GSE1: variants seen among roughly 807,000 people sequenced by gnomAD.
GSE1 encodes the protein genetic suppressor element 1.
Under a neutral mutation model 112.6 loss-of-function variants are expected in GSE1, and 32 were observed. That is an observed-to-expected ratio of 0.28 (90% CI 0.21 to 0.38). The LOEUF is 0.38. Among genes scored for constraint, GSE1 ranks in the 10% least tolerant of loss-of-function variants. The pLI is 1.00. For missense variants in GSE1, 2,348 were observed against 1,699.2 expected (o/e 1.38, Z -6.71); for synonymous variants, 1,115 against 735.6 (o/e 1.52, Z -8.35).
intron 2 of GSE1, among the ~76,000 whole-genome samples, chr16:85,386,631 T>C (rs950910633): frequency 2.0e-5 from 3 of 152,220 alleles, no homozygotes; most frequent in African/African-American, 7.2e-5. Context: ...CTAAACCCTC[T>C]CTGGGCCTCC....
At chr16:85,637,184 C>T (rs536749932) in intron 2 of GSE1, among the ~76,000 whole-genome samples, 2 of 152,324 alleles carry the variant, frequency 1.3e-5, no homozygotes, top group South Asian at 2.1e-4. Context: ...CCCACGCCCT[C>T]CCCCAGCCCC....
At chr16:85,377,965 G>A (rs1436271099) in intron 2 of GSE1, among the ~76,000 whole-genome samples, 1 of 152,254 alleles carries the variant, frequency 6.6e-6, no homozygotes, top group Non-Finnish European at 1.5e-5. Flanking sequence ...TCTGCAGACA[G>A]CCCTGTCTCC....
intron 1 of GSE1, among the ~76,000 whole-genome samples, chr16:85,197,014 C>G (rs998702817): frequency 6.6e-6 from 1 of 152,174 alleles, no homozygotes; most frequent in Admixed American, 6.5e-5. Context: ...ATTTGGTGAT[C>G]TCAGGCCAGC....
intron 1 of GSE1, among the ~76,000 whole-genome samples, chr16:85,218,442 A>T (rs1461022504): frequency 6.6e-6 from 1 of 152,188 alleles, no homozygotes; most frequent in African/African-American, 2.4e-5. Flanking sequence ...CATTGAGTGC[A>T]TGTTTATGGA....
chr16:85,572,472 TCACACAC>T (rs1246834985), intron 1 of GSE1, among the ~76,000 whole-genome samples: 1 of 80,948 alleles, frequency 1.2e-5, no homozygotes, highest in African/African-American at 4.5e-5. Context: ...ACAACACACA[TCACACAC>T]ACCACATGCA....
In GSE1 at chr16:85,412,716, T is replaced by C. The variant is rs71389129; in HGVS notation, c.2464+55073T>C. ...CTCAGGGCACCTGGATAATCCTCAC[T>C]GTTACTCTCAGGCCCCCCGGATAAT... On this transcript the variant is annotated intron_variant, in intron 2 of 2. Coordinates refer to the GSE1 transcript ENST00000637419. Among the ~76,000 whole-genome samples the C allele has an allele frequency of 2.7e-5, 4 of 146,340 alleles. 1 individual carries two copies. The highest frequency in any genetic ancestry group is 1.3e-4 in the Admixed American group (2 of 14,826).
At chr16:85,195,931 G>A (rs1018821281) in intron 1 of GSE1, among the ~76,000 whole-genome samples, 4 of 152,112 alleles carry the variant, frequency 2.6e-5, no homozygotes, top group African/African-American at 7.2e-5. Context: ...GATATGTCTC[G>A]GAAGTCAGGA....
At chr16:85,177,267 G>A (rs1203305128) in intron 1 of GSE1, among the ~76,000 whole-genome samples, 2 of 152,236 alleles carry the variant, frequency 1.3e-5, no homozygotes, top group Non-Finnish European at 1.5e-5. Flanking sequence ...ACCCTTGTGA[G>A]GTTAACTCTG....
intron 15 of GSE1, among the ~76,000 whole-genome samples, chr16:85,671,518 G>T (rs561926465): frequency 7.2e-5 from 11 of 151,760 alleles, no homozygotes; most frequent in African/African-American, 2.7e-4. Flanking sequence ...TTGGGAGGCT[G>T]AGGCAGGATC....
intron 1 of GSE1, among the ~76,000 whole-genome samples, chr16:85,577,199 C>T (rs1388770444): frequency 6.6e-6 from 1 of 152,188 alleles, no homozygotes; most frequent in Non-Finnish European, 1.5e-5. Flanking sequence ...AGGTCTTCTC[C>T]TCTGCGGTTC....
At position 85,661,599 on chromosome 16, in the gene GSE1, C is replaced by T. The variant is rs1282058428; in HGVS notation, c.2094C>T (p.Thr698=). ...QQRASLPQAA[T]FGELSGPLKP... is the part of the protein sequence containing the mutation. ...GGGCCTCCCTCCCACAGGCGGCCACCTTCGGGGAGCTCAGCGGACCCCTGA... is the reference window on the plus strand; with the variant it reads ...GGGCCTCCCTCCCACAGGCGGCCACTTTCGGGGAGCTCAGCGGACCCCTGA... Residue 698 remains threonine, a synonymous_variant, in exon 9 of 16, where the codon ACC becomes ACT. Coordinates refer to ENST00000253458, the MANE Select transcript of GSE1 (RefSeq NM_014615.5). 22 of 1,610,452 alleles carry T rather than the reference C, an allele frequency of 1.4e-5. No individual in the cohort carries two copies. In the Admixed American group the frequency reaches 1.8e-4, roughly 13 times the overall value.
Position 85,422,150 on chromosome 16 carries a change from C to G in GSE1, c.2464+64507C>G, listed in dbSNP as rs573482355. On this transcript the variant is annotated intron_variant, in intron 2 of 2. Coordinates refer to the GSE1 transcript ENST00000637419. The stretch of plus-strand genomic sequence containing the variant: ...GGGTGTGCCCGGGTCATCCTCGCAC[C>G]CCACCTCGGCCCCCTCCTCCCCTGG... Among the ~76,000 whole-genome samples, 7 of 152,282 alleles carry G rather than the reference C, an allele frequency of 4.6e-5. No individual in the cohort carries two copies. The East Asian group carries it at 1.4e-3, about 29-fold the overall frequency.
intron 2 of GSE1, among the ~76,000 whole-genome samples, chr16:85,536,364 G>A (rs1160762427): frequency 2.6e-5 from 4 of 152,326 alleles, no homozygotes; most frequent in African/African-American, 9.6e-5. Flanking sequence ...AGAAGAAATA[G>A]AGCCCCATCC....
intron 1 of GSE1, among the ~76,000 whole-genome samples, chr16:85,305,235 C>T (rs566052494): frequency 1.3e-5 from 2 of 152,356 alleles, no homozygotes; most frequent in African/African-American, 4.8e-5. Flanking sequence ...GGCCTCGTTC[C>T]AGTCCGCGAA....
intron 1 of GSE1, among the ~76,000 whole-genome samples, chr16:85,583,780 G>C (rs963499979): frequency 2.0e-5 from 3 of 152,144 alleles, no homozygotes; most frequent in East Asian, 1.9e-4. Context: ...TCCTCCTGTC[G>C]TGCCACGAGA....
intron 2 of GSE1, among the ~76,000 whole-genome samples, chr16:85,396,964 G>C (rs2047980397): frequency 6.6e-6 from 1 of 152,234 alleles, no homozygotes; most frequent in South Asian, 2.1e-4. Flanking sequence ...AGAACAGAGT[G>C]ACAGGTCCAG....
At chr16:85,242,771 A>C (rs190367971) in intron 1 of GSE1, among the ~76,000 whole-genome samples, 2 of 152,174 alleles carry the variant, frequency 1.3e-5, no homozygotes, top group Non-Finnish European at 1.5e-5. Flanking sequence ...CATCTTTGCA[A>C]AGTTCTCTAG....
chr16:85,465,153 A>G (rs932513988), intron 2 of GSE1, among the ~76,000 whole-genome samples: 1 of 152,220 alleles, frequency 6.6e-6, no homozygotes, highest in African/African-American at 2.4e-5. Flanking sequence ...TCCGATATCC[A>G]GGAGTGTGGG....
chr16:85,476,926 T>C (rs868548704), intron 2 of GSE1, among the ~76,000 whole-genome samples: 118 of 34,986 alleles, frequency 3.4e-3, no homozygotes, highest in African/African-American at 0.012. Context: ...TATGTGGTTC[T>C]TTTTTTTTTT....
Sources: gnomAD v4.1 joint callset for allele counts (sites outside exome capture counted in the v4.1 genomes callset) on GRCh38, gnomAD v4.1.1 for gene constraint, MANE v1.5 for transcripts, NCBI Gene and HGNC (gene_info 2026-07-23, HGNC 2026-07-21) for gene names.